Variants in EXOC6B observed in about 807,000 individuals in gnomAD.
EXOC6B encodes the protein SEC15 homolog B.
A neutral mutation model predicts 113.5 loss-of-function variants in EXOC6B; 54 were observed. The observed-to-expected ratio is 0.48, with a 90% CI of 0.38 to 0.60. The LOEUF (loss-of-function observed/expected upper bound fraction) is 0.60, where lower values mean the gene tolerates loss of function less well. EXOC6B is among the 20% of genes least tolerant of loss of function. The pLI, the probability that EXOC6B is intolerant of heterozygous loss-of-function variation, is 0.00. For synonymous variants in EXOC6B, 357 were observed against 339.0 expected, an observed-to-expected ratio of 1.05 and a Z score of -0.58; for missense variants, 797 against 977.5, an observed-to-expected ratio of 0.82 and a Z score of 2.46.
intron 20 of EXOC6B, among the ~76,000 whole-genome samples, chr2:72,211,562 A>G (rs1379288109): frequency 6.6e-6 from 1 of 152,178 alleles, no homozygotes; most frequent in Non-Finnish European, 1.5e-5. Flanking sequence ...CTTGCTTAAG[A>G]TGGAACTTTA....
intron 7 of EXOC6B, among the ~76,000 whole-genome samples, chr2:72,562,505 G>C (rs781406509): frequency 6.6e-6 from 1 of 152,076 alleles, no homozygotes; most frequent in South Asian, 2.1e-4. Flanking sequence ...GCAGAGGGAG[G>C]GGTCCAAGGA....
chr2:72,647,485 A>C lies in EXOC6B; in HGVS notation c.669+70618T>G, dbSNP rs532343023. Among the ~76,000 whole-genome samples, 24 of 152,302 alleles carry C rather than the reference A, an allele frequency of 1.6e-4. No individual in the cohort carries two copies. In the East Asian group the frequency reaches 4.6e-3, roughly 29 times the overall value. On this transcript the variant is annotated intron_variant, in intron 6 of 21. Transcript: ENST00000272427. ...CTGCATTGCCAAGACAATCCTAAGC[A>C]AAAAGAACAAAGCTGGAGGCATCAT...
chr2:72,715,532 C>T (rs553929011), intron 6 of EXOC6B, among the ~76,000 whole-genome samples: 2 of 151,060 alleles, frequency 1.3e-5, no homozygotes, highest in East Asian at 3.9e-4. Flanking sequence ...CAGCTAGGAG[C>T]TCAAGAGAAC....
chr2:72,731,262 A>T lies in EXOC6B; in HGVS notation c.328-17T>A. On this transcript the variant is annotated splice_polypyrimidine_tract_variant and intron_variant, in intron 3 of 21. Coordinates refer to ENST00000272427, the MANE Select transcript of EXOC6B (RefSeq NM_015189.3). The stretch of plus-strand genomic sequence containing the variant: ...TATTACCAGCTTGGCAAGAGGGAAA[A>T]AGACTGAATTATGCCTATGGCTGTA... The T allele has an allele frequency of 6.3e-7, 1 of 1,591,236 alleles. No homozygotes were observed. The highest frequency in any genetic ancestry group is 8.6e-7 in the Non-Finnish European group (1 of 1,160,548).
At chr2:72,493,493 T>C (rs1053659805) in intron 15 of EXOC6B, among the ~76,000 whole-genome samples, 10 of 152,122 alleles carry the variant, frequency 6.6e-5, no homozygotes, top group African/African-American at 2.4e-4. Flanking sequence ...GAAGTGTTAT[T>C]ACTATGTGGT....
intron 19 of EXOC6B, chr2:72,335,283 A>C: frequency 2.8e-6 from 1 of 360,452 alleles, no homozygotes; most frequent in East Asian, 5.0e-5. Flanking sequence ...TGGGCTTCAG[A>C]GTATTTGTTT....
At chr2:72,212,861 A>G (rs181820687) in intron 20 of EXOC6B, among the ~76,000 whole-genome samples, 1 of 152,348 alleles carries the variant, frequency 6.6e-6, no homozygotes, top group East Asian at 1.9e-4. Flanking sequence ...GTGGTGTAGT[A>G]GAGTGTGTTT....
rs1190599136 is a variant in EXOC6B, at chr2:72,680,574, A to C, written c.669+37529T>G. 3.3e-5 allele frequency among the ~76,000 whole-genome samples: 5 copies of C among 152,168 alleles called. No homozygotes were observed. The East Asian group carries it at 9.7e-4, about 29-fold the overall frequency. Reference sequence around the variant, plus strand: ...GCCAACATGGTGAAACCCCATCTCTATTAAAACTACAAAAATAAGCTGGGT... The same window carrying C: ...GCCAACATGGTGAAACCCCATCTCTCTTAAAACTACAAAAATAAGCTGGGT... On this transcript the variant is annotated intron_variant, in intron 6 of 21. Coordinates refer to ENST00000272427, the MANE Select transcript of EXOC6B (RefSeq NM_015189.3).
intron 6 of EXOC6B, among the ~76,000 whole-genome samples, chr2:72,578,959 G>A (rs930192526): frequency 2.6e-5 from 4 of 152,140 alleles, no homozygotes; most frequent in Non-Finnish European, 4.4e-5. Flanking sequence ...AAGAATGTAA[G>A]CAGGGGAATA....
At chr2:72,459,335 G>A (rs1265913613) in intron 18 of EXOC6B, among the ~76,000 whole-genome samples, 1 of 147,314 alleles carries the variant, frequency 6.8e-6, no homozygotes, top group African/African-American at 2.5e-5. Context: ...GTTCAACATA[G>A]TGTTGGAAGT....
At chr2:72,582,905 G>T (rs942293625) in intron 6 of EXOC6B, among the ~76,000 whole-genome samples, 1 of 152,090 alleles carries the variant, frequency 6.6e-6, no homozygotes, top group Non-Finnish European at 1.5e-5. Flanking sequence ...AAAATGGATT[G>T]CAAAGAAGCT....
chr2:72,621,964 AT>A (rs1671773855), intron 6 of EXOC6B, among the ~76,000 whole-genome samples: 2 of 152,116 alleles, frequency 1.3e-5, no homozygotes, highest in South Asian at 4.1e-4. Flanking sequence ...TTAAAACTAA[AT>A]TTTTAATTAA....
At chr2:72,332,562 A>G in intron 20 of EXOC6B, among the ~76,000 whole-genome samples, 1 of 152,076 alleles carries the variant, frequency 6.6e-6, no homozygotes, top group East Asian at 1.9e-4. Context: ...ATTTTAGCCA[A>G]CTTAAGAAAT....
At chr2:72,761,611 C>T (rs1487811731) in intron 1 of EXOC6B, among the ~76,000 whole-genome samples, 1 of 152,010 alleles carries the variant, frequency 6.6e-6, no homozygotes, top group Non-Finnish European at 1.5e-5. Context: ...TAAATGGCCT[C>T]AGCAAATTAA....
At chr2:72,516,295 T>C (rs577614782) in intron 8 of EXOC6B, among the ~76,000 whole-genome samples, 1 of 152,206 alleles carries the variant, frequency 6.6e-6, no homozygotes, top group African/African-American at 2.4e-5. Context: ...GTCACCAGGC[T>C]GGAGTGCAGT....
chr2:72,775,022 G>A (rs1443751919), intron 1 of EXOC6B, among the ~76,000 whole-genome samples: 1 of 152,154 alleles, frequency 6.6e-6, no homozygotes, highest in African/African-American at 2.4e-5. Context: ...AAATGGAAGA[G>A]GTGCATAGGG....
chr2:72,441,501 T>C (rs993864805), intron 18 of EXOC6B, among the ~76,000 whole-genome samples: 1 of 150,978 alleles, frequency 6.6e-6, no homozygotes, highest in East Asian at 1.9e-4. Context: ...TTAACTAGAA[T>C]AATAAAGAAG....
chr2:72,675,166 G>T (rs145327127), intron 6 of EXOC6B, among the ~76,000 whole-genome samples: 101 of 152,290 alleles, frequency 6.6e-4, no homozygotes, highest in African/African-American at 2.4e-3. Flanking sequence ...AATGCTATAT[G>T]ATCAAGGAAT....
chr2:72,725,254 C>CA (rs1351800725), intron 5 of EXOC6B, among the ~76,000 whole-genome samples: 3 of 152,166 alleles, frequency 2.0e-5, no homozygotes, highest in Non-Finnish European at 4.4e-5. Flanking sequence ...AGCCAGAAGA[C>CA]AATGAAATCA....
Sources: allele counts gnomAD v4.1 joint callset (sites outside exome capture counted in the v4.1 genomes callset), GRCh38; gene constraint gnomAD v4.1.1; transcripts MANE v1.5; gene names NCBI Gene and HGNC (gene_info 2026-07-23, HGNC 2026-07-21).